ZMAT4: variants seen among roughly 807,000 people sequenced by gnomAD.
The protein encoded by ZMAT4 is zinc finger matrin-type protein 4.
ZMAT4 carries 17 observed loss-of-function variants against 28.7 expected under a neutral mutation model. The observed-to-expected ratio is 0.59, with a 90% CI of 0.41 to 0.89. The LOEUF is 0.89. Ranked by LOEUF, ZMAT4 falls within the 40% of genes least tolerant of loss-of-function variation. ZMAT4 has a pLI of 0.00. For synonymous variants in ZMAT4, 117 were observed against 109.2 expected, an observed-to-expected ratio of 1.07 and a Z score of -0.44; for missense variants, 240 against 283.8, an observed-to-expected ratio of 0.85 and a Z score of 1.11.
chr8:40,772,573 T>C (rs1399263525), intron 2 of ZMAT4, among the ~76,000 whole-genome samples: 1 of 152,252 alleles, frequency 6.6e-6, no homozygotes, highest in African/African-American at 2.4e-5. Flanking sequence ...TGTATTTGCA[T>C]AATGCTTCAG....
intron 2 of ZMAT4, among the ~76,000 whole-genome samples, chr8:40,811,534 A>C (rs1167950775): frequency 6.6e-6 from 1 of 152,182 alleles, no homozygotes; most frequent in Non-Finnish European, 1.5e-5. Context: ...TCTAAGCTGG[A>C]GTCACTTTTG....
chr8:40,827,847 T>C lies in ZMAT4; in HGVS notation c.-4-2167A>G, dbSNP rs1816127388. Among the ~76,000 whole-genome samples the C allele has an allele frequency of 1.3e-5, 2 of 152,208 alleles. 1 individual carries two copies. Among genetic ancestry groups the C allele is most frequent in the South Asian group, 4.1e-4 (2 of 4,830 alleles). On this transcript the variant is annotated intron_variant, in intron 1 of 6. Coordinates refer to ENST00000297737, the MANE Select transcript of ZMAT4 (RefSeq NM_024645.3). ...GGGCAGAAGCTCTAGTTGTTAAGTT[T>C]TTCTTAGGTTGAATTAAAATCTGTC...
At chr8:40,583,917 G>A (rs550847309) in intron 5 of ZMAT4, among the ~76,000 whole-genome samples, 6 of 152,244 alleles carry the variant, frequency 3.9e-5, no homozygotes, top group African/African-American at 1.4e-4. Context: ...GTAGGGTAGA[G>A]GAAACAATCA....
At chr8:40,741,040 A>G (rs574736723) in intron 3 of ZMAT4, among the ~76,000 whole-genome samples, 71 of 152,120 alleles carry the variant, frequency 4.7e-4, no homozygotes, top group African/African-American at 1.6e-3. Context: ...AGCTATCTCA[A>G]AGTTAGAAGA....
At chr8:40,591,670 C>T (rs552910900) in intron 5 of ZMAT4, among the ~76,000 whole-genome samples, 1 of 152,294 alleles carries the variant, frequency 6.6e-6, no homozygotes, top group East Asian at 1.9e-4. Flanking sequence ...AGGTCTAATC[C>T]TTATCATAAA....
intron 5 of ZMAT4, among the ~76,000 whole-genome samples, chr8:40,581,513 G>A (rs1419254428): frequency 6.6e-6 from 1 of 152,094 alleles, no homozygotes; most frequent in Non-Finnish European, 1.5e-5. Context: ...TTGAATTGAG[G>A]TAAGGTGTTC....
intron 5 of ZMAT4, among the ~76,000 whole-genome samples, chr8:40,622,372 G>A (rs1806232615): frequency 1.3e-5 from 2 of 152,156 alleles, no homozygotes; most frequent in African/African-American, 2.4e-5. Context: ...TTAAGGGGAG[G>A]CCCCTCTGAG....
chr8:40,671,710 A>G (rs928358028), intron 5 of ZMAT4, among the ~76,000 whole-genome samples: 1 of 152,224 alleles, frequency 6.6e-6, no homozygotes, highest in African/African-American at 2.4e-5. Context: ...AAAGTTACGT[A>G]TCTTAATAGG....
At chr8:40,610,105 T>C (rs1805739959) in intron 5 of ZMAT4, among the ~76,000 whole-genome samples, 1 of 152,174 alleles carries the variant, frequency 6.6e-6, no homozygotes, top group Admixed American at 6.5e-5. Flanking sequence ...AAAAATATCC[T>C]CTAATAATTC....
chr8:40,703,908 A>G (rs1317120406), intron 3 of ZMAT4, among the ~76,000 whole-genome samples: 2 of 152,182 alleles, frequency 1.3e-5, no homozygotes, highest in Non-Finnish European at 2.9e-5. Flanking sequence ...GCGAATCATA[A>G]TGAGGAGTAT....
intron 2 of ZMAT4, among the ~76,000 whole-genome samples, chr8:40,768,416 C>T (rs10111739): frequency 0.57 from 87,309 of 151,996 alleles, 26,523 homozygotes; most frequent in Middle Eastern, 0.71. Context: ...GAAACTGATG[C>T]CTTCTTTGTT....
At chr8:40,689,627 T>G (rs759465359) in intron 4 of ZMAT4, among the ~76,000 whole-genome samples, 1 of 152,090 alleles carries the variant, frequency 6.6e-6, no homozygotes, top group African/African-American at 2.4e-5. Flanking sequence ...CTCAATTTCA[T>G]AGACTAGACA....
chr8:40,723,874 C>T, intron 3 of ZMAT4, among the ~76,000 whole-genome samples: 1 of 152,020 alleles, frequency 6.6e-6, no homozygotes, highest in East Asian at 1.9e-4. Context: ...GTAGTGAGAG[C>T]CAGCAGAGAG....
At chr8:40,697,715 C>G (rs111737787) in intron 3 of ZMAT4, among the ~76,000 whole-genome samples, 2 of 140,770 alleles carry the variant, frequency 1.4e-5, no homozygotes, top group Admixed American at 1.4e-4. Flanking sequence ...CCCTAGCCCC[C>G]CCACCCCCTG....
chr8:40,677,595 C>T (rs974985264), intron 4 of ZMAT4, among the ~76,000 whole-genome samples: 22 of 152,280 alleles, frequency 1.4e-4, no homozygotes, highest in Non-Finnish European at 3.1e-4. Flanking sequence ...TCTGTCCCTT[C>T]TACAGCTTTG....
At chr8:40,552,287 T>A (rs915989263) in intron 6 of ZMAT4, among the ~76,000 whole-genome samples, 2 of 152,176 alleles carry the variant, frequency 1.3e-5, no homozygotes, top group Non-Finnish European at 2.9e-5. Context: ...AAGCTGCTAC[T>A]ATTGCTTTTC....
chr8:40,580,507 G>C (rs761008079), intron 6 of ZMAT4, among the ~76,000 whole-genome samples: 4 of 152,082 alleles, frequency 2.6e-5, no homozygotes, highest in Non-Finnish European at 5.9e-5. Context: ...GACATTCTTT[G>C]CTTTTTTCAT....
At chr8:40,889,245 C>A (rs1292429836) in intron 1 of ZMAT4, among the ~76,000 whole-genome samples, 1 of 152,228 alleles carries the variant, frequency 6.6e-6, no homozygotes, top group Non-Finnish European at 1.5e-5. Context: ...CACTTCACAC[C>A]TGGCTGCAGC....
At chr8:40,734,817 T>C (rs1371878876) in intron 3 of ZMAT4, among the ~76,000 whole-genome samples, 5 of 152,216 alleles carry the variant, frequency 3.3e-5, no homozygotes, top group Non-Finnish European at 5.9e-5. Flanking sequence ...GAAAAAATTA[T>C]ATGATTGGAA....
Sources: allele counts gnomAD v4.1 joint callset (sites outside exome capture counted in the v4.1 genomes callset), GRCh38; gene constraint gnomAD v4.1.1; transcripts MANE v1.5; gene names NCBI Gene and HGNC (gene_info 2026-07-23, HGNC 2026-07-21).